RALYL: variants seen among roughly 807,000 people sequenced by gnomAD.
RALYL encodes the protein RALY RNA binding protein like.
A neutral mutation model predicts 35.1 loss-of-function variants in RALYL; 29 were observed. The observed-to-expected ratio is 0.83, with a 90% CI of 0.61 to 1.13. RALYL has a LOEUF of 1.13. RALYL is among the 50% of genes most tolerant of loss of function. The pLI, the probability that RALYL is intolerant of heterozygous loss-of-function variation, is 0.00. For missense variants in RALYL, 359 were observed against 360.4 expected (o/e 1.00, Z 0.03); for synonymous variants, 120 against 127.6 (o/e 0.94, Z 0.40).
chr8:84,841,453 C>A (rs1402148282), intron 4 of RALYL, among the ~76,000 whole-genome samples: 2 of 152,124 alleles, frequency 1.3e-5, no homozygotes. Flanking sequence ...TACAGGAGCA[C>A]CCAGATTCAT....
At chr8:84,690,118 A>G (rs944079410) in intron 2 of RALYL, among the ~76,000 whole-genome samples, 2 of 152,156 alleles carry the variant, frequency 1.3e-5, no homozygotes, top group Non-Finnish European at 2.9e-5. Context: ...AAGATATGAA[A>G]TCAACCTAAG....
At chr8:84,897,831 T>C (rs1320486237) in intron 8 of RALYL, among the ~76,000 whole-genome samples, 1 of 152,228 alleles carries the variant, frequency 6.6e-6, no homozygotes, top group Non-Finnish European at 1.5e-5. Context: ...TACTGGTTTC[T>C]GGTTTCACAG....
At chr8:84,199,410 A>T (rs557438721) in intron 1 of RALYL, among the ~76,000 whole-genome samples, 3 of 152,210 alleles carry the variant, frequency 2.0e-5, no homozygotes, top group African/African-American at 7.2e-5. Flanking sequence ...CTTTTGTCAG[A>T]TGGGCAATTT....
At chr8:84,347,228 A>G (rs1204413109) in intron 1 of RALYL, among the ~76,000 whole-genome samples, 1 of 151,872 alleles carries the variant, frequency 6.6e-6, no homozygotes, top group Non-Finnish European at 1.5e-5. Flanking sequence ...CCATTACAGT[A>G]TTTTTTAGCC....
At chr8:84,579,450 G>T (rs1178840837) in intron 2 of RALYL, among the ~76,000 whole-genome samples, 1 of 152,144 alleles carries the variant, frequency 6.6e-6, no homozygotes, top group Non-Finnish European at 1.5e-5. Flanking sequence ...TAATGACTTG[G>T]TAGGGGGCAG....
At chr8:84,327,930 A>G (rs187434941) in intron 1 of RALYL, among the ~76,000 whole-genome samples, 209 of 152,324 alleles carry the variant, frequency 1.4e-3, no homozygotes, top group African/African-American at 4.6e-3. Flanking sequence ...CCACCAGTAT[A>G]GAAAGCTAAC....
chr8:84,642,094 C>T (rs1356600226), intron 2 of RALYL, among the ~76,000 whole-genome samples: 1 of 151,910 alleles, frequency 6.6e-6, no homozygotes, highest in African/African-American at 2.4e-5. Flanking sequence ...TGAAACAGAA[C>T]ATAATACATG....
intron 1 of RALYL, among the ~76,000 whole-genome samples, chr8:84,362,764 G>A (rs1026671706): frequency 1.3e-5 from 2 of 152,094 alleles, no homozygotes; most frequent in Non-Finnish European, 2.9e-5. Context: ...CTGCTCTGGA[G>A]GGATTTCTTT....
intron 1 of RALYL, among the ~76,000 whole-genome samples, chr8:84,523,630 G>A (rs1222470480): frequency 6.7e-6 from 1 of 149,456 alleles, no homozygotes; most frequent in Non-Finnish European, 1.5e-5. Context: ...TCATCATCTA[G>A]CATTAGGTAT....
chr8:84,834,728 A>G (rs1831600598), intron 4 of RALYL, among the ~76,000 whole-genome samples: 1 of 152,212 alleles, frequency 6.6e-6, no homozygotes, highest in African/African-American at 2.4e-5. Context: ...ATCTAACCCA[A>G]TATCGCAATT....
chr8:84,662,939 A>C (rs1254651339), intron 2 of RALYL, among the ~76,000 whole-genome samples: 1 of 152,068 alleles, frequency 6.6e-6, no homozygotes, highest in Non-Finnish European at 1.5e-5. Context: ...CATCACCTAC[A>C]GATTAAGCAC....
chr8:84,556,705 C>T (rs1233778770), intron 2 of RALYL, among the ~76,000 whole-genome samples: 1 of 152,150 alleles, frequency 6.6e-6, no homozygotes, highest in Non-Finnish European at 1.5e-5. Context: ...ACATGATATA[C>T]ACCACCTCTG....
At chr8:84,195,678 A>G (rs1815102689) in intron 1 of RALYL, among the ~76,000 whole-genome samples, 1 of 152,092 alleles carries the variant, frequency 6.6e-6, no homozygotes, top group Admixed American at 6.6e-5. Flanking sequence ...AGGTTGGGAG[A>G]TTATGTATTA....
At chr8:84,445,980 T>A (rs906785587) in intron 1 of RALYL, among the ~76,000 whole-genome samples, 2 of 151,886 alleles carry the variant, frequency 1.3e-5, no homozygotes, top group Non-Finnish European at 2.9e-5. Flanking sequence ...TATTTAAAAA[T>A]ATTGATTTTC....
chr8:84,671,747 G>A (rs1833289854), intron 2 of RALYL, among the ~76,000 whole-genome samples: 1 of 152,212 alleles, frequency 6.6e-6, no homozygotes, highest in Non-Finnish European at 1.5e-5. Flanking sequence ...CCTGGGCCCA[G>A]CCCACGAAAC....
intron 1 of RALYL, among the ~76,000 whole-genome samples, chr8:84,367,318 ATTTTTTTTTTTTTTTTTTTTTTTTTTT>A (rs56387511): frequency 1.2e-3 from 32 of 27,406 alleles, no homozygotes; most frequent in South Asian, 6.2e-3. Context: ...TAATTTTTGT[ATTTTTTTTTTTTTTTTTTTTTTTTTTT>A]TTTTTTTTTT....
intron 2 of RALYL, among the ~76,000 whole-genome samples, chr8:84,552,161 A>T (rs78441087): frequency 6.6e-6 from 1 of 151,040 alleles, no homozygotes; most frequent in Non-Finnish European, 1.5e-5. Flanking sequence ...AATGAAAAAG[A>T]ACAGTGAGAG....
chr8:84,714,936 C>T (rs10093758), intron 2 of RALYL, among the ~76,000 whole-genome samples: 40,004 of 151,548 alleles, frequency 0.26, 5,614 homozygotes, highest in African/African-American at 0.33. Context: ...TGCATTGTTG[C>T]TCTTTAGGAT....
At chr8:84,198,569 A>G (rs1159201142) in intron 1 of RALYL, among the ~76,000 whole-genome samples, 3 of 152,186 alleles carry the variant, frequency 2.0e-5, no homozygotes, top group African/African-American at 7.2e-5. Context: ...ATTATTGATT[A>G]TAGTCACCTT....
Sources: gnomAD v4.1 joint callset for allele counts (sites outside exome capture counted in the v4.1 genomes callset) on GRCh38, gnomAD v4.1.1 for gene constraint, MANE v1.5 for transcripts, NCBI Gene and HGNC (gene_info 2026-07-23, HGNC 2026-07-21) for gene names.